The following ZNF185 variants were observed in gnomAD, a reference collection of about 807,000 sequenced individuals.
ZNF185 encodes the protein zinc finger protein 185.
A neutral mutation model predicts 58.6 loss-of-function variants in ZNF185; 56 were observed. The ratio of observed to expected loss-of-function variants is 0.95; its 90% CI spans 0.77 to 1.19. The LOEUF (loss-of-function observed/expected upper bound fraction) is 1.19. ZNF185 is among the 50% of genes most tolerant of loss of function. The pLI is 0.00. For missense variants in ZNF185, 627 were observed against 573.5 expected (o/e 1.09, Z -0.95); for synonymous variants, 230 against 215.9 (o/e 1.07, Z -0.57).
At chrX:152,938,048 C>A (rs1165271740) in intron 14 of ZNF185, 26 bp from the exon 17 acceptor site, 1 of 1,163,823 alleles carries the variant, frequency 8.6e-7, no homozygotes, top group South Asian at 1.9e-5. Flanking sequence ...TCTGAGATCT[C>A]AGCAGGCCTG....
chrX:152,907,317 G>T, the ZNF185 span, among the ~76,000 whole-genome samples: 2 of 112,405 alleles, frequency 1.8e-5, no homozygotes, highest in African/African-American at 3.2e-5. Context: ...CTGTGGTCGG[G>T]ATAACAGGCT....
intron 16 of ZNF185, among the ~76,000 whole-genome samples, chrX:152,946,418 A>G (rs782675046): frequency 1.4e-3 from 154 of 112,101 alleles, no homozygotes; most frequent in African/African-American, 4.9e-3. Context: ...TTAGATAACA[A>G]GTTTTACCTT....
At chrX:152,938,132 G>T (rs782020983) in exon 15 of ZNF185, 21 of 1,185,857 alleles carry the variant, frequency 1.8e-5, no homozygotes, top group Non-Finnish European at 2.4e-5. Flanking sequence ...CAGCACAGCA[G>T]CCCAGGAGGA....
At chrX:152,908,760 G>T in the ZNF185 span, among the ~76,000 whole-genome samples, 1 of 113,420 alleles carries the variant, frequency 8.8e-6, no homozygotes, top group Non-Finnish European at 1.9e-5. Flanking sequence ...GCGTGGCTGG[G>T]ACTCAGAGCC....
upstream of ZNF185, among the ~76,000 whole-genome samples, chrX:152,910,254 C>T (rs1449603669): frequency 8.9e-6 from 1 of 111,947 alleles, no homozygotes; most frequent in Non-Finnish European, 1.9e-5. Flanking sequence ...CAAGCATACT[C>T]CACTCGCACT....
chrX:152,938,896 CGATCTCCT>C, intron 15 of ZNF185, among the ~76,000 whole-genome samples: 1 of 85,657 alleles, frequency 1.2e-5, no homozygotes. Context: ...GCAACTCAGG[CGATCTCCT>C]CTAAAGAGGA....
In ZNF185 at chrX:152,961,391, G is replaced by T. The variant is rs78634438; in HGVS notation, c.1607+1495G>T. Reference sequence around the variant, plus strand: ...CACATGGGATGCATGCCAGCAGCCAGCCTCAGTTTCCCTCTGGTCCTTTTC... The same window carrying T: ...CACATGGGATGCATGCCAGCAGCCATCCTCAGTTTCCCTCTGGTCCTTTTC... On this transcript the variant is annotated intron_variant, in intron 17 of 22. Transcript: ENST00000449285. 3.7e-3 allele frequency among the ~76,000 whole-genome samples: 417 copies of T among 112,441 alleles called. 5 individuals are homozygous for T. The East Asian group carries it at 0.069, about 19-fold the overall frequency.
chrX:152,920,860 T>C, intron 9 of ZNF185, 112 bp downstream of exon 10: 1 of 932,898 alleles, frequency 1.1e-6, no homozygotes, highest in Non-Finnish European at 1.5e-6. Context: ...TGTGGGGGAC[T>C]ACTGTCCCTG....
the ZNF185 span, among the ~76,000 whole-genome samples, chrX:152,908,503 G>C: frequency 8.9e-6 from 1 of 112,371 alleles, no homozygotes; most frequent in Non-Finnish European, 1.9e-5. Context: ...AGAGTGTAGG[G>C]CTGCGGGAGT....
At chrX:152,928,481 G>A in intron 11 of ZNF185, 94 bp from the exon 13 acceptor site, 1 of 877,720 alleles carries the variant, frequency 1.1e-6, no homozygotes. Context: ...TCAAAAGGGG[G>A]CAGTGGGTCT....
chrX:152,920,144 C>T (rs1556868680), intron 7 of ZNF185, among the ~76,000 whole-genome samples, 184 bp from the exon 9 acceptor site: 1 of 113,089 alleles, frequency 8.8e-6, no homozygotes, highest in African/African-American at 3.2e-5. Flanking sequence ...TAAACATGGG[C>T]TGCCCTTCCT....
chrX:152,936,628 C>T, intron 14 of ZNF185, 115 bp downstream of exon 16: 14 of 611,881 alleles, frequency 2.3e-5, no homozygotes, highest in Non-Finnish European at 3.6e-5. Context: ...CTCCATGCCA[C>T]TTTCACATCA....
intron 7 of ZNF185, 110 bp downstream of exon 8, chrX:152,919,191 T>C (rs1939178664): frequency 1.7e-6 from 1 of 594,952 alleles, no homozygotes; most frequent in Non-Finnish European, 2.8e-6. Context: ...GCACAACACG[T>C]AGGCCATCAG....
At chrX:152,915,908 CGG>C (rs1938366097) in intron 3 of ZNF185, among the ~76,000 whole-genome samples, 1 of 111,825 alleles carries the variant, frequency 8.9e-6, no homozygotes, top group Admixed American at 9.5e-5. Context: ...GAGGCAGTGG[CGG>C]CCTCTGGAAG....
At chrX:152,925,133 A>AAAAT (rs1940600852) in intron 11 of ZNF185, among the ~76,000 whole-genome samples, 1 of 111,804 alleles carries the variant, frequency 8.9e-6, no homozygotes, top group Admixed American at 9.4e-5. Flanking sequence ...TCTCTACAAA[A>AAAAT]AAATAAAAAA....
chrX:152,923,128 C>T (rs1351222771), intron 11 of ZNF185, among the ~76,000 whole-genome samples: 1 of 112,114 alleles, frequency 8.9e-6, no homozygotes, highest in Non-Finnish European at 1.9e-5. Context: ...TGGATTGAGA[C>T]CTTTGCTCAA....
intron 15 of ZNF185, among the ~76,000 whole-genome samples, chrX:152,942,363 C>T (rs2047320423): frequency 1.8e-5 from 2 of 111,604 alleles, no homozygotes; most frequent in South Asian, 3.8e-4. Flanking sequence ...CTTACAAGCA[C>T]CGTGACCTTG....
chrX:152,913,202 GA>G (rs1937615513), upstream of ZNF185, among the ~76,000 whole-genome samples: 1 of 112,434 alleles, frequency 8.9e-6, no homozygotes, highest in Admixed American at 9.3e-5. Flanking sequence ...GCCCTGGAGA[GA>G]AAGGCTCTTC....
chrX:152,940,019 G>A (rs377247581), intron 15 of ZNF185, among the ~76,000 whole-genome samples: 137 of 111,038 alleles, frequency 1.2e-3, no homozygotes, highest in African/African-American at 4.4e-3. Flanking sequence ...CTGACATCAA[G>A]CCATCCACCC....
Sources: gnomAD v4.1 joint callset for allele counts (sites outside exome capture counted in the v4.1 genomes callset) on GRCh38, gnomAD v4.1.1 for gene constraint, MANE v1.5 for transcripts, NCBI Gene and HGNC (gene_info 2026-07-23, HGNC 2026-07-21) for gene names.